The following RNF128 variants were observed in gnomAD, a reference collection of about 807,000 sequenced individuals.
RNF128 encodes the protein ring finger protein 128, also known as E3 ubiquitin-protein ligase RNF128.
Under a neutral mutation model 26.2 loss-of-function variants are expected in RNF128, and 13 were observed. The ratio of observed to expected loss-of-function variants is 0.50; its 90% CI spans 0.32 to 0.79. The LOEUF is 0.79. Ranked by LOEUF, RNF128 falls within the 30% of genes least tolerant of loss-of-function variation. RNF128 has a pLI of 0.03. For synonymous variants in RNF128, 149 were observed against 142.5 expected, an observed-to-expected ratio of 1.05 and a Z score of -0.32; for missense variants, 315 against 349.7, an observed-to-expected ratio of 0.90 and a Z score of 0.79.
chrX:106,700,075 G>C (rs905898399), intron 1 of RNF128, among the ~76,000 whole-genome samples: 1 of 106,288 alleles, frequency 9.4e-6, no homozygotes, highest in African/African-American at 3.4e-5. Flanking sequence ...AGGCTGGAGT[G>C]CAGTGACACA....
intron 4 of RNF128, among the ~76,000 whole-genome samples, chrX:106,788,232 C>A (rs1930692301): frequency 1.2e-5 from 1 of 81,742 alleles, no homozygotes; most frequent in Non-Finnish European, 2.3e-5. Flanking sequence ...AAACTAATTC[C>A]ATAGAAAACT....
chrX:106,746,731 T>C (rs1929800719), intron 1 of RNF128, among the ~76,000 whole-genome samples: 1 of 111,906 alleles, frequency 8.9e-6, no homozygotes, highest in African/African-American at 3.2e-5. Flanking sequence ...CCAAAACCTT[T>C]TTTCACTGTT....
intron 1 of RNF128, among the ~76,000 whole-genome samples, chrX:106,747,293 G>A (rs888519636): frequency 1.8e-5 from 2 of 111,833 alleles, no homozygotes; most frequent in Admixed American, 9.5e-5. Flanking sequence ...TTGAAATCTT[G>A]AAAAGACAGC....
At chrX:106,732,705 T>C (rs1380720810) in intron 1 of RNF128, among the ~76,000 whole-genome samples, 1 of 111,951 alleles carries the variant, frequency 8.9e-6, no homozygotes, top group Non-Finnish European at 1.9e-5. Context: ...CTAACTTCTA[T>C]GGTGATTAGC....
intron 4 of RNF128, among the ~76,000 whole-genome samples, chrX:106,788,500 A>G (rs1232523089): frequency 1.8e-5 from 1 of 55,965 alleles, no homozygotes; most frequent in Non-Finnish European, 2.9e-5. Context: ...AATTATAATT[A>G]TATAATTATA....
At chrX:106,776,853 T>C (rs763365576) in intron 2 of RNF128, among the ~76,000 whole-genome samples, 1 of 111,722 alleles carries the variant, frequency 9.0e-6, no homozygotes, top group Admixed American at 9.5e-5. Context: ...GGAAATGGCC[T>C]TGCTGTACAA....
At chrX:106,741,151 C>T (rs886452865) in intron 1 of RNF128, among the ~76,000 whole-genome samples, 2 of 111,931 alleles carry the variant, frequency 1.8e-5, no homozygotes, top group African/African-American at 6.5e-5. Flanking sequence ...CCCTATTTAT[C>T]AATATAATAA....
At chrX:106,710,642 G>A (rs1379962178) in intron 1 of RNF128, among the ~76,000 whole-genome samples, 2 of 106,373 alleles carry the variant, frequency 1.9e-5, no homozygotes, top group South Asian at 4.2e-4. Context: ...CTGTAATCCC[G>A]TCTACTGGGG....
chrX:106,787,505 G>C (rs1569445122), intron 3 of RNF128, among the ~76,000 whole-genome samples: 1 of 111,026 alleles, frequency 9.0e-6, no homozygotes, highest in Non-Finnish European at 1.9e-5. Context: ...TCTATATCTT[G>C]ATTGTGATAA....
chrX:106,693,885 T>C, exon 1 of RNF128: 1 of 561,907 alleles, frequency 1.8e-6, no homozygotes. Context: ...TGAGATCAGT[T>C]ACCTACGTGC....
At chrX:106,719,512 C>T (rs948262892) in intron 1 of RNF128, among the ~76,000 whole-genome samples, 8 of 111,747 alleles carry the variant, frequency 7.2e-5, no homozygotes, top group African/African-American at 2.6e-4. Context: ...TGAGCCACTG[C>T]ACCTGACCAT....
chrX:106,751,559 G>A (rs1473307080), intron 1 of RNF128, among the ~76,000 whole-genome samples: 3 of 110,606 alleles, frequency 2.7e-5, no homozygotes, highest in African/African-American at 6.6e-5. Context: ...AGGACTTGCG[G>A]TGCATATGGC....
chrX:106,704,025 G>A (rs752815451), intron 1 of RNF128, among the ~76,000 whole-genome samples: 4 of 109,964 alleles, frequency 3.6e-5, no homozygotes, highest in Non-Finnish European at 5.7e-5. Flanking sequence ...TAATGTCTTC[G>A]ATAAATGTGT....
chrX:106,754,885 G>A (rs1475914110), intron 1 of RNF128, among the ~76,000 whole-genome samples: 1 of 110,495 alleles, frequency 9.1e-6, no homozygotes, highest in Non-Finnish European at 1.9e-5. Flanking sequence ...AAAAGCAAGA[G>A]CAAACCAAAT....
intron 1 of RNF128, among the ~76,000 whole-genome samples, chrX:106,740,769 A>G (rs1470816410): frequency 9.0e-6 from 1 of 111,115 alleles, no homozygotes; most frequent in South Asian, 3.8e-4. Context: ...GGAACACCGT[A>G]ATTTCTAATG....
chrX:106,718,923 G>T (rs932019523), intron 1 of RNF128, among the ~76,000 whole-genome samples: 1 of 111,631 alleles, frequency 9.0e-6, no homozygotes, highest in African/African-American at 3.3e-5. Flanking sequence ...CCGAGTTATT[G>T]ATCAAGTTTG....
Position 106,727,395 on chromosome X carries a change from C to A in RNF128, c.482C>A (p.Pro161Gln). The change falls in exon 1 of 7, where the codon CCG (proline) becomes CAG (glutamine). Residue 161 changes from proline (P) to glutamine (Q), a missense_variant and splice_region_variant. Coordinates refer to ENST00000255499, the MANE Select transcript of RNF128 (RefSeq NM_194463.2). ...AATGAGGTCATCCCCATGTCTCACCCGGGTGAGTGCAGCTACTAGATTGCA... is the reference window on the plus strand; with the variant it reads ...AATGAGGTCATCCCCATGTCTCACCAGGGTGAGTGCAGCTACTAGATTGCA... ...TRNEVIPMSH[P>Q]GAVDIVAIMI... 8.3e-7 allele frequency: 1 copy of A among 1,210,706 alleles called. No individual in the cohort carries two copies. The highest frequency in any genetic ancestry group is 1.1e-6 in the Non-Finnish European group (1 of 895,082).
intron 2 of RNF128, among the ~76,000 whole-genome samples, chrX:106,783,515 G>A (rs1041076213): frequency 8.1e-5 from 9 of 110,917 alleles, no homozygotes; most frequent in African/African-American, 2.9e-4. Flanking sequence ...CATATAGGAG[G>A]GAAGCTGCTT....
upstream of RNF128, among the ~76,000 whole-genome samples, chrX:106,723,996 A>T (rs1394670413): frequency 9.0e-6 from 1 of 111,134 alleles, no homozygotes; most frequent in Non-Finnish European, 1.9e-5. Context: ...GTAGGTGTTC[A>T]GTGATCGGAA....
Sources: gnomAD v4.1 joint callset for allele counts (sites outside exome capture counted in the v4.1 genomes callset) on GRCh38, gnomAD v4.1.1 for gene constraint, MANE v1.5 for transcripts, NCBI Gene and HGNC (gene_info 2026-07-23, HGNC 2026-07-21) for gene names.